STK32B: variants seen among roughly 807,000 people sequenced by gnomAD.
STK32B encodes the protein serine/threonine-protein kinase 32B.
In STK32B, 43 loss-of-function variants were observed where a neutral mutation model predicts 52.6. The ratio of observed to expected loss-of-function variants is 0.82; its 90% CI spans 0.64 to 1.05. STK32B has a LOEUF of 1.05. Among genes scored for constraint, STK32B ranks in the 50% least tolerant of loss-of-function variants. The pLI, the probability that STK32B is intolerant of heterozygous loss-of-function variation, is 0.00. For synonymous variants in STK32B, 238 were observed against 204.3 expected (o/e 1.17, Z -1.41); for missense variants, 621 against 534.6 (o/e 1.16, Z -1.59).
intron 11 of STK32B, among the ~76,000 whole-genome samples, chr4:5,472,228 C>CAAA: frequency 6.6e-6 from 1 of 152,204 alleles, no homozygotes; most frequent in Non-Finnish European, 1.5e-5. Flanking sequence ...CTCAGGATGC[C>CAAA]CATAGCCTGC....
At chr4:5,292,992 C>G (rs778953760) in intron 3 of STK32B, among the ~76,000 whole-genome samples, 23 of 152,020 alleles carry the variant, frequency 1.5e-4, no homozygotes, top group Non-Finnish European at 3.1e-4. Flanking sequence ...CTCCCTGTGT[C>G]CATGTGTTCT....
chr4:5,408,301 G>A (rs1737807507), intron 5 of STK32B, among the ~76,000 whole-genome samples: 1 of 152,058 alleles, frequency 6.6e-6, no homozygotes, highest in African/African-American at 2.4e-5. Context: ...TGAGAGCCTG[G>A]GGGTGTTCTC....
At chr4:5,219,355 G>T (rs762435890) in intron 3 of STK32B, among the ~76,000 whole-genome samples, 1 of 152,250 alleles carries the variant, frequency 6.6e-6, no homozygotes, top group African/African-American at 2.4e-5. Flanking sequence ...CCCAGCAAAC[G>T]TGGGCCTGAC....
At chr4:5,449,885 C>T (rs1028300138) in intron 7 of STK32B, among the ~76,000 whole-genome samples, 1 of 152,118 alleles carries the variant, frequency 6.6e-6, no homozygotes, top group African/African-American at 2.4e-5. Flanking sequence ...GTAGGAAAAC[C>T]AGCTCAGGGC....
At chr4:5,457,060 C>A in intron 8 of STK32B, 137 bp downstream of exon 8, 3 of 601,350 alleles carry the variant, frequency 5.0e-6, no homozygotes, top group South Asian at 3.4e-5. Flanking sequence ...GCTCAAATGC[C>A]AAATGCCGTG....
intron 3 of STK32B, among the ~76,000 whole-genome samples, chr4:5,252,124 T>C (rs2108833679): frequency 6.6e-6 from 1 of 152,306 alleles, no homozygotes. Context: ...GAGGAGCTCC[T>C]AGGAAGAAAA....
At chr4:5,068,655 A>ATT (rs551475726) in intron 1 of STK32B, among the ~76,000 whole-genome samples, 1 of 151,742 alleles carries the variant, frequency 6.6e-6, no homozygotes, top group Non-Finnish European at 1.5e-5. Context: ...AATTATTATT[A>ATT]TTTTTTTTAC....
chr4:5,323,793 C>T (rs1731685424), intron 3 of STK32B, among the ~76,000 whole-genome samples: 2 of 152,150 alleles, frequency 1.3e-5, no homozygotes, highest in African/African-American at 2.4e-5. Context: ...TAGGTCCCTG[C>T]ACTCAGAGTT....
At chr4:5,363,422 T>TA (rs1734676743) in intron 4 of STK32B, among the ~76,000 whole-genome samples, 4 of 152,220 alleles carry the variant, frequency 2.6e-5, no homozygotes, top group African/African-American at 4.8e-5. Flanking sequence ...CTGCCACTGA[T>TA]GTGTGACTGA....
At chr4:5,265,580 C>G (rs755752648) in intron 3 of STK32B, among the ~76,000 whole-genome samples, 4 of 152,168 alleles carry the variant, frequency 2.6e-5, no homozygotes, top group Admixed American at 6.5e-5. Flanking sequence ...GCAAATATTC[C>G]AAACCACACC....
rs554965165 is a variant in STK32B at position 5,052,740 on chromosome 4, C to T, written c.52+825C>T. ...GTGAAAAGTGCCTTATAAATGCAAG[C>T]AGTACCGAGCTGTGCCGTTTTTTAT... On this transcript the variant is annotated intron_variant, in intron 1 of 11. Transcript: ENST00000282908. Among the ~76,000 whole-genome samples the T allele has an allele frequency of 2.6e-5, 4 of 152,316 alleles. No individual in the cohort carries two copies. The East Asian group carries it at 7.7e-4, about 29-fold the overall frequency.
At chr4:5,034,517 C>A in the STK32B span, among the ~76,000 whole-genome samples, 1 of 152,182 alleles carries the variant, frequency 6.6e-6, no homozygotes, top group African/African-American at 2.4e-5. Flanking sequence ...TTTATATAAG[C>A]ACCACACTCC....
intron 5 of STK32B, among the ~76,000 whole-genome samples, chr4:5,403,019 C>T (rs1288620936): frequency 2.0e-5 from 3 of 152,166 alleles, no homozygotes; most frequent in Non-Finnish European, 2.9e-5. Flanking sequence ...ATGCAGCAGC[C>T]GCGTGGTCAG....
At chr4:5,123,367 T>C (rs1422366954) in intron 1 of STK32B, among the ~76,000 whole-genome samples, 1 of 152,152 alleles carries the variant, frequency 6.6e-6, no homozygotes, top group African/African-American at 2.4e-5. Flanking sequence ...CAAATGAGGA[T>C]TGAAGGAGTT....
At chr4:5,156,419 C>A (rs1717849937) in intron 2 of STK32B, among the ~76,000 whole-genome samples, 1 of 152,154 alleles carries the variant, frequency 6.6e-6, no homozygotes, top group Non-Finnish European at 1.5e-5. Flanking sequence ...CCTCTGCATG[C>A]AAATTTACTT....
chr4:5,253,125 A>G (rs939045410), intron 3 of STK32B, among the ~76,000 whole-genome samples: 16 of 152,086 alleles, frequency 1.1e-4, no homozygotes, highest in African/African-American at 3.9e-4. Flanking sequence ...TGCTGTCTTC[A>G]GGAAGCCTCT....
chr4:5,260,303 CA>C (rs1158358229), intron 3 of STK32B, among the ~76,000 whole-genome samples: 2 of 152,280 alleles, frequency 1.3e-5, no homozygotes, highest in Non-Finnish European at 2.9e-5. Context: ...ATATGTTAAA[CA>C]GAAATTTGCT....
chr4:5,195,704 A>C (rs1721593803), intron 3 of STK32B, among the ~76,000 whole-genome samples: 1 of 152,128 alleles, frequency 6.6e-6, no homozygotes, highest in African/African-American at 2.4e-5. Context: ...GAATATTGGA[A>C]AGTGATTACC....
At chr4:5,124,978 T>C (rs949354692) in intron 1 of STK32B, among the ~76,000 whole-genome samples, 4 of 152,102 alleles carry the variant, frequency 2.6e-5, no homozygotes, top group African/African-American at 4.8e-5. Flanking sequence ...ACAGAATTCT[T>C]CAACTATTAG....
Sources: allele counts gnomAD v4.1 joint callset (sites outside exome capture counted in the v4.1 genomes callset), GRCh38; gene constraint gnomAD v4.1.1; transcripts MANE v1.5; gene names NCBI Gene and HGNC (gene_info 2026-07-23, HGNC 2026-07-21).